PAK4: variants seen among roughly 807,000 people sequenced by gnomAD.
The protein encoded by PAK4 is p21 (RAC1) activated kinase 4.
Under a neutral mutation model 53.5 loss-of-function variants are expected in PAK4, and 49 were observed. That is an observed-to-expected ratio of 0.92 (90% CI 0.73 to 1.16). PAK4 has a LOEUF of 1.16. PAK4 is among the 50% of genes most tolerant of loss of function. The pLI is 0.00. For missense variants in PAK4, 824 were observed against 850.7 expected, an observed-to-expected ratio of 0.97 and a Z score of 0.39; for synonymous variants, 376 against 375.6, an observed-to-expected ratio of 1.00 and a Z score of -0.01.
rs73046449 is a variant in PAK4, at chr19:39,138,803, C to T, written c.-23+12884C>T. ...AGGTTTGCCTTGACTAATCAGCTTACGGTTTAATTATTAGGGAACAGGCTC... is the reference window on the plus strand; with the variant it reads ...AGGTTTGCCTTGACTAATCAGCTTATGGTTTAATTATTAGGGAACAGGCTC... On this transcript the variant is annotated intron_variant, in intron 1 of 8. Transcript: ENST00000358301. Among the ~76,000 whole-genome samples, 1,096 of 152,336 alleles carry T rather than the reference C, an allele frequency of 7.2e-3. 8 individuals carry two copies. The highest frequency in any genetic ancestry group is 0.013 in the Non-Finnish European group (882 of 68,034).
chr19:39,144,753 A>G (rs2073972236), intron 1 of PAK4, among the ~76,000 whole-genome samples: 1 of 151,696 alleles, frequency 6.6e-6, no homozygotes, highest in South Asian at 2.1e-4. Flanking sequence ...GGAAGTTAAC[A>G]GCTTTGGGAA....
intron 2 of PAK4, among the ~76,000 whole-genome samples, chr19:39,170,073 C>T (rs1455393248): frequency 6.6e-6 from 1 of 152,172 alleles, no homozygotes; most frequent in Non-Finnish European, 1.5e-5. Flanking sequence ...TACCCCGGAC[C>T]ACACTCCTGT....
In PAK4 at chr19:39,173,622, T is replaced by G; in HGVS notation, c.710T>G (p.Leu237Arg). The G allele has an allele frequency of 6.5e-7, 1 of 1,543,320 alleles. No individual in the cohort carries two copies. The highest frequency in any genetic ancestry group is 8.7e-7 in the Non-Finnish European group (1 of 1,146,894). The change falls in exon 4 of 9, where the codon CTG becomes CGG. Residue 237 changes from leucine to arginine, a missense_variant. By Grantham distance (102) the Leu-to-Arg change is moderately radical. Around this residue, in one of 2 missense-constraint regions of PAK4, gnomAD observed 478 missense variants for 435.8 expected, o/e 1.10. Coordinates refer to ENST00000358301, the Ensembl canonical transcript of PAK4. This position sits in a 1 kb window ranked among gnomAD's most constrained non-coding sequence, Gnocchi z 6.9. ...CCTAACGGGCCATCAGCGGGGGGCC[T>G]GGCCATCCCCCAGTCCTCCTCCTCC... is the stretch of plus-strand genomic sequence containing the variant.
chr19:39,181,647 G>A (rs1026114080), downstream of PAK4: 5 of 152,286 alleles, frequency 3.3e-5, no homozygotes, highest in African/African-American at 1.2e-4. Context: ...GGCCCGGGGG[G>A]TCTACAGATC....
At chr19:39,128,239 T>C (rs986849984) in intron 1 of PAK4, among the ~76,000 whole-genome samples, 1 of 152,216 alleles carries the variant, frequency 6.6e-6, no homozygotes, top group African/African-American at 2.4e-5. Context: ...AGGCCTGGCA[T>C]ACAGTAGTTG....
rs544723758 is a variant in PAK4 at position 39,159,621 on chromosome 19, C to G, written c.-22-9911C>G. Among the ~76,000 whole-genome samples the G allele has an allele frequency of 2.0e-4, 30 of 152,340 alleles. No homozygotes were observed. In the South Asian group the frequency reaches 5.4e-3, roughly 27 times the overall value. ...CAGGCTGGTCTCGAACTCCTGACAT[C>G]AGGTGATCCACCTGCCTCGGCCTCC... On this transcript the variant is annotated intron_variant, in intron 1 of 8. Transcript: ENST00000358301.
Position 39,130,836 on chromosome 19 carries a change from G to T in PAK4, c.-23+4917G>T, listed in dbSNP as rs576869083. 1.2e-3 allele frequency among the ~76,000 whole-genome samples: 188 copies of T among 150,460 alleles called. 1 individual carries two copies. Among genetic ancestry groups the T allele is most frequent in the African/African-American group, 4.4e-3 (178 of 40,874 alleles). On this transcript the variant is annotated intron_variant, in intron 1 of 8. Transcript: ENST00000358301. ...TCATCAGAGGCTTTAGTGACATCTG[G>T]TTTTCCCCTTATAAAGATTGCTCAG...
rs2074279991 is a variant in PAK4, at chr19:39,161,294, G to A, written c.-22-8238G>A. Among the ~76,000 whole-genome samples, 1 of 152,242 alleles carries A rather than the reference G, an allele frequency of 6.6e-6. No individual in the cohort carries two copies. The highest frequency in any genetic ancestry group is 2.4e-5 in the African/African-American group (1 of 41,456). ...CCACAGACAGGCAAACAACTGTAAT[G>A]TGTGAGGCAACGCTGAGGGCCCTGG... On this transcript the variant is annotated intron_variant, in intron 1 of 8. Transcript: ENST00000358301. The surrounding 1 kb of genome is among the most constrained non-coding windows in gnomAD (Gnocchi z 4.5).
In PAK4 at chr19:39,173,031, G is replaced by T; in HGVS notation, c.318G>T (p.Pro106=). ...ACTCCCTGCGGAGAGACAGCCCGCC[G>T]CCGCCCGCCCGTGCCCGCCAGGAAA... Residue 106 remains proline, a synonymous_variant, in exon 3 of 9, where the codon CCG becomes CCT. Coordinates refer to ENST00000358301, the Ensembl canonical transcript of PAK4. This position sits in a 1 kb window ranked among gnomAD's most constrained non-coding sequence, Gnocchi z 6.9. The T allele has an allele frequency of 5.2e-6, 8 of 1,549,126 alleles. No individual in the cohort carries two copies. The highest frequency in any genetic ancestry group is 6.1e-6 in the Non-Finnish European group (7 of 1,146,902).
chr19:39,160,426 G>A (rs1276123270), intron 1 of PAK4, among the ~76,000 whole-genome samples: 1 of 152,198 alleles, frequency 6.6e-6, no homozygotes, highest in Non-Finnish European at 1.5e-5. Flanking sequence ...CCAGTCAGTA[G>A]GTGTAGGATG....
intron 1 of PAK4, among the ~76,000 whole-genome samples, chr19:39,126,504 C>T (rs1018334009): frequency 2.0e-5 from 3 of 151,648 alleles, no homozygotes; most frequent in Admixed American, 1.3e-4. Context: ...AGGGGGAACC[C>T]TCCCACAAAT....
At chr19:39,153,452 AT>A (rs968474382) in intron 1 of PAK4, among the ~76,000 whole-genome samples, 13 of 149,974 alleles carry the variant, frequency 8.7e-5, no homozygotes, top group Non-Finnish European at 1.9e-4. Flanking sequence ...TTGTTGTTTT[AT>A]TTTTTTGAAA....
At chr19:39,134,312 C>T (rs1278953677) in intron 1 of PAK4, among the ~76,000 whole-genome samples, 1 of 152,254 alleles carries the variant, frequency 6.6e-6, no homozygotes, top group African/African-American at 2.4e-5. Flanking sequence ...TCGGTAAAGA[C>T]AGAACACAAC....
intron 1 of PAK4, among the ~76,000 whole-genome samples, chr19:39,163,086 C>G (rs1357298511): frequency 6.6e-6 from 1 of 152,088 alleles, no homozygotes; most frequent in Non-Finnish European, 1.5e-5. Context: ...AGCCAAACTC[C>G]CAGCGCCTCC....
At position 39,173,482 on chromosome 19, in the gene PAK4, A is replaced by G. The variant is rs150077447; in HGVS notation, c.664-94A>G. 21,149 of 1,321,216 alleles carry G rather than the reference A, an allele frequency of 0.016. 190 individuals carry two copies. The highest frequency in any genetic ancestry group is 0.035 in the South Asian group (2,402 of 68,828). 81.8% of individuals were successfully genotyped at this position (1,321,216 alleles called of 1,614,324 possible). On this transcript the variant is annotated intron_variant, in intron 3 of 8. Coordinates refer to ENST00000358301, the Ensembl canonical transcript of PAK4. This position sits in a 1 kb window ranked among gnomAD's most constrained non-coding sequence, Gnocchi z 6.9. ...ACCGTGCATCTCATCCTGACCACCC[A>G]TGTGTCTGTCCCATCGCTGGGTCTC...
intron 1 of PAK4, among the ~76,000 whole-genome samples, chr19:39,151,488 T>C (rs2074093492): frequency 6.6e-6 from 1 of 152,214 alleles, no homozygotes; most frequent in African/African-American, 2.4e-5. Flanking sequence ...ACAGACAAAC[T>C]TGCACACCTG....
chr19:39,175,686 G>T lies in PAK4; in HGVS notation c.1359+248G>T, dbSNP rs1464874991. On this transcript the variant is annotated intron_variant, in intron 6 of 8. Transcript: ENST00000358301. The surrounding 1 kb of genome is among the most constrained non-coding windows in gnomAD (Gnocchi z 4.7). ...TCAGCACAGGACACTGGGCCCAGGG[G>T]CAGGGATCTGGGCAGACAGCGCAGC... Among the ~76,000 whole-genome samples, 1 of 152,084 alleles carries T rather than the reference G, an allele frequency of 6.6e-6. No individual in the cohort carries two copies. Among genetic ancestry groups the T allele is most frequent in the Non-Finnish European group, 1.5e-5 (1 of 67,986 alleles).
chr19:39,166,812 G>A (rs1400156541), intron 1 of PAK4, among the ~76,000 whole-genome samples: 1 of 152,230 alleles, frequency 6.6e-6, no homozygotes, highest in Non-Finnish European at 1.5e-5. Flanking sequence ...CTGTTGGGAA[G>A]GGAGCGCCTG....
chr19:39,148,801 T>C (rs1487758725), intron 1 of PAK4, among the ~76,000 whole-genome samples: 1 of 152,078 alleles, frequency 6.6e-6, no homozygotes, highest in Non-Finnish European at 1.5e-5. Context: ...CATTTAAGTC[T>C]GTGATCCATT....
Sources: gnomAD v4.1 joint callset for allele counts (sites outside exome capture counted in the v4.1 genomes callset) on GRCh38, gnomAD v4.1.1 for gene constraint, gnomAD v4.1.1 regional missense constraint, Gnocchi (gnomAD v3.1) non-coding constraint, MANE v1.5 for transcripts, NCBI Gene and HGNC (gene_info 2026-07-23, HGNC 2026-07-21) for gene names.